NPR3: variants seen among roughly 807,000 people sequenced by gnomAD.
The protein encoded by NPR3 is natriuretic peptide receptor 3, also known as atrial natriuretic peptide receptor 3.
A neutral mutation model predicts 54.5 loss-of-function variants in NPR3; 34 were observed. The ratio of observed to expected loss-of-function variants is 0.62; its 90% CI spans 0.47 to 0.83. NPR3 has a LOEUF of 0.83. NPR3 is among the 40% of genes least tolerant of loss of function. NPR3 has a pLI of 0.00. For missense variants in NPR3, 674 were observed against 720.8 expected, an observed-to-expected ratio of 0.94 and a Z score of 0.74; for synonymous variants, 289 against 297.1, an observed-to-expected ratio of 0.97 and a Z score of 0.28.
intron 3 of NPR3, among the ~76,000 whole-genome samples, chr5:32,763,646 A>G (rs963028732): frequency 5.3e-5 from 8 of 151,974 alleles, no homozygotes; most frequent in Non-Finnish European, 7.4e-5. Context: ...GTCTCTAAAC[A>G]TATTTATAAT....
At chr5:32,765,574 G>T (rs191870843) in intron 3 of NPR3, among the ~76,000 whole-genome samples, 1 of 152,316 alleles carries the variant, frequency 6.6e-6, no homozygotes, top group Non-Finnish European at 1.5e-5. Flanking sequence ...GATACCTGAG[G>T]TTTGGCTTGT....
At chr5:32,698,195 T>C (rs1054762022) in intron 1 of NPR3, among the ~76,000 whole-genome samples, 2 of 152,074 alleles carry the variant, frequency 1.3e-5, no homozygotes, top group African/African-American at 4.8e-5. Context: ...TGTTCCATTA[T>C]CCTTTGTTTC....
intron 3 of NPR3, among the ~76,000 whole-genome samples, chr5:32,763,470 C>T (rs1385041769): frequency 1.4e-5 from 2 of 146,700 alleles, no homozygotes; most frequent in African/African-American, 5.1e-5. Context: ...CCACCTCGCT[C>T]AGCTAATTTT....
intron 1 of NPR3, among the ~76,000 whole-genome samples, chr5:32,700,086 T>C (rs1740629690): frequency 6.6e-6 from 1 of 152,236 alleles, no homozygotes; most frequent in Non-Finnish European, 1.5e-5. Flanking sequence ...CTCCATTGTA[T>C]GTTATTTGTT....
At chr5:32,714,178 G>A (rs1333342787) in intron 1 of NPR3, among the ~76,000 whole-genome samples, 5 of 152,086 alleles carry the variant, frequency 3.3e-5, no homozygotes, top group Non-Finnish European at 7.3e-5. Context: ...TGGGACTGGG[G>A]GTGTGTCCCC....
At chr5:32,751,560 G>T (rs76531638) in intron 3 of NPR3, among the ~76,000 whole-genome samples, 5 of 152,120 alleles carry the variant, frequency 3.3e-5, no homozygotes, top group African/African-American at 7.2e-5. Flanking sequence ...ATATTTGCTC[G>T]TTTGAGGTTA....
At chr5:32,744,357 C>T (rs913693762) in intron 3 of NPR3, among the ~76,000 whole-genome samples, 3 of 152,158 alleles carry the variant, frequency 2.0e-5, no homozygotes, top group African/African-American at 7.2e-5. Flanking sequence ...GTTAAATACG[C>T]AGGCTTGGGA....
chr5:32,710,861 T>G (rs892875099), upstream of NPR3: 4 of 723,640 alleles, frequency 5.5e-6, no homozygotes, highest in African/African-American at 3.1e-5. Flanking sequence ...CAGTCCTGGT[T>G]TTTTTTTTTT....
intron 3 of NPR3, among the ~76,000 whole-genome samples, chr5:32,769,304 T>G (rs1741630384): frequency 6.6e-6 from 1 of 152,252 alleles, no homozygotes; most frequent in Admixed American, 6.5e-5. Flanking sequence ...CAGAATGTCC[T>G]TTAACCCTCG....
At chr5:32,758,377 A>C (rs1740965145) in intron 3 of NPR3, among the ~76,000 whole-genome samples, 1 of 152,134 alleles carries the variant, frequency 6.6e-6, no homozygotes, top group African/African-American at 2.4e-5. Flanking sequence ...TAGATTTTCT[A>C]GTTTATTTGC....
chr5:32,739,154 A>C, intron 3 of NPR3, 124 bp downstream of exon 3: 1 of 886,892 alleles, frequency 1.1e-6, no homozygotes, highest in Non-Finnish European at 1.7e-6. Context: ...TCTGAATGTC[A>C]CTGTTGCCTT....
intron 6 of NPR3, among the ~76,000 whole-genome samples, chr5:32,784,263 G>A (rs538532329): frequency 7.2e-5 from 11 of 152,168 alleles, no homozygotes; most frequent in Non-Finnish European, 1.6e-4. Context: ...ATCCTGGCTC[G>A]TTGCAACCTC....
At chr5:32,741,259 A>G (rs1740025391) in intron 3 of NPR3, among the ~76,000 whole-genome samples, 1 of 152,078 alleles carries the variant, frequency 6.6e-6, no homozygotes, top group Admixed American at 6.6e-5. Flanking sequence ...CTCTACAAAA[A>G]ATACAAAAAT....
intron 2 of NPR3, among the ~76,000 whole-genome samples, chr5:32,735,353 A>C (rs1739673895): frequency 6.6e-6 from 1 of 150,674 alleles, no homozygotes. Flanking sequence ...TCACTCCCTT[A>C]CTGTTGTACA....
chr5:32,781,495 A>G (rs73073696), intron 5 of NPR3, among the ~76,000 whole-genome samples: 18,120 of 152,198 alleles, frequency 0.12, 1,243 homozygotes, highest in African/African-American at 0.17. Context: ...GGTGCCCTTC[A>G]TGGGACCTGG....
intron 1 of NPR3, among the ~76,000 whole-genome samples, chr5:32,701,457 T>C (rs62369518): frequency 0.25 from 37,667 of 152,222 alleles, 4,892 homozygotes; most frequent in Middle Eastern, 0.38. Flanking sequence ...ACAGCTATTT[T>C]GAATTCTCTG....
intron 3 of NPR3, among the ~76,000 whole-genome samples, chr5:32,774,193 C>A (rs556682863): frequency 1.3e-5 from 2 of 152,298 alleles, no homozygotes; most frequent in South Asian, 4.1e-4. Flanking sequence ...GCAGAAGTTG[C>A]AACATCTACT....
chr5:32,752,470 C>T (rs570475015), intron 3 of NPR3, among the ~76,000 whole-genome samples: 8 of 152,224 alleles, frequency 5.3e-5, no homozygotes, highest in Admixed American at 2.6e-4. Flanking sequence ...CTGTATTTGC[C>T]GCCCTTCCAG....
At chr5:32,693,131 A>G (rs1392659164) in intron 1 of NPR3, among the ~76,000 whole-genome samples, 1 of 150,014 alleles carries the variant, frequency 6.7e-6, no homozygotes, top group Admixed American at 6.7e-5. Context: ...AAAAAAAAAA[A>G]GGGATCTTTG....
Sources: gnomAD v4.1 joint callset for allele counts (sites outside exome capture counted in the v4.1 genomes callset) on GRCh38, gnomAD v4.1.1 for gene constraint, MANE v1.5 for transcripts, NCBI Gene and HGNC (gene_info 2026-07-23, HGNC 2026-07-21) for gene names.